The following PPEF2 variants were observed in gnomAD, a reference collection of about 807,000 sequenced individuals.
The protein encoded by PPEF2 is protein phosphatase with EF-hand domain 2.
In PPEF2, 84 loss-of-function variants were observed where a neutral mutation model predicts 84.7. The ratio of observed to expected loss-of-function variants is 0.99; its 90% CI spans 0.83 to 1.19. The LOEUF (loss-of-function observed/expected upper bound fraction) is 1.19, where lower values mean the gene tolerates loss of function less well. PPEF2 is among the 50% of genes most tolerant of loss of function. The probability of loss-of-function intolerance (pLI) is 0.00; values close to 1 mark genes in which losing one functional copy is unlikely to be tolerated. For synonymous variants in PPEF2, 346 were observed against 345.2 expected, an observed-to-expected ratio of 1.00 and a Z score of -0.03; for missense variants, 924 against 937.5, an observed-to-expected ratio of 0.99 and a Z score of 0.19.
chr4:75,872,773 G>C (rs1307224007), intron 12 of PPEF2, among the ~76,000 whole-genome samples: 3 of 152,176 alleles, frequency 2.0e-5, no homozygotes, highest in Non-Finnish European at 4.4e-5. Context: ...AGATTAGTCA[G>C]GATGTTAATT....
chr4:75,889,833 T>G (rs1724831522), intron 5 of PPEF2, 124 bp downstream of exon 5: 1 of 1,084,006 alleles, frequency 9.2e-7, no homozygotes, highest in Non-Finnish European at 1.4e-6. Flanking sequence ...AGGGGTAGAA[T>G]CTCTCTAGTG....
At position 75,865,813 on chromosome 4, in the gene PPEF2, A is replaced by G. The variant is rs563024242; in HGVS notation, c.1920+376T>C. On this transcript the variant is annotated intron_variant, in intron 15 of 16. Transcript: ENST00000286719. ...TTTTATAAGCAGTTATTGAATAAAT[A>G]CTTTTTAAGTAGGGTAAGCACCATG... Among the ~76,000 whole-genome samples the G allele has an allele frequency of 2.0e-5, 3 of 152,374 alleles. No homozygotes were observed. In the East Asian group the frequency reaches 5.8e-4, roughly 29 times the overall value.
At chr4:75,880,382 C>G (rs1394639465) in intron 10 of PPEF2, among the ~76,000 whole-genome samples, 1 of 152,186 alleles carries the variant, frequency 6.6e-6, no homozygotes, top group African/African-American at 2.4e-5. Flanking sequence ...GGAGCCCATA[C>G]CTCTCTGTAC....
intron 5 of PPEF2, 141 bp from the exon 6 acceptor site, chr4:75,888,469 C>T (rs1425624508): frequency 5.1e-6 from 3 of 588,952 alleles, no homozygotes; most frequent in East Asian, 5.8e-5. Flanking sequence ...GGACTATGCA[C>T]GGATTCTTTC....
intron 10 of PPEF2, 125 bp from the exon 11 acceptor site, chr4:75,876,798 G>C (rs1284293226): frequency 8.9e-6 from 9 of 1,015,676 alleles, no homozygotes; most frequent in Non-Finnish European, 1.1e-5. Context: ...TCAAGCCCGG[G>C]AGTTCAAGAC....
At chr4:75,866,049 G>T in intron 15 of PPEF2, 140 bp downstream of exon 15, 1 of 1,003,656 alleles carries the variant, frequency 1.0e-6, no homozygotes. Flanking sequence ...CTGACACATA[G>T]AAACTCAAGA....
chr4:75,874,074 C>A (rs909524850), intron 11 of PPEF2, among the ~76,000 whole-genome samples: 1 of 151,480 alleles, frequency 6.6e-6, no homozygotes, highest in Non-Finnish European at 1.5e-5. Context: ...TGCCACTGCA[C>A]TCCAGCCTGG....
chr4:75,894,676 T>C (rs1176164735), intron 2 of PPEF2, among the ~76,000 whole-genome samples: 1 of 152,078 alleles, frequency 6.6e-6, no homozygotes, highest in African/African-American at 2.4e-5. Context: ...CTGGGTTCTG[T>C]GCATGGCAGG....
At chr4:75,884,424 CAA>C (rs34238193) in intron 8 of PPEF2, among the ~76,000 whole-genome samples, 168 bp downstream of exon 8, 1 of 144,288 alleles carries the variant, frequency 6.9e-6, no homozygotes, top group Non-Finnish European at 1.5e-5. Context: ...AGACTCTCTC[CAA>C]AAAAAAAAAA....
intron 8 of PPEF2, chr4:75,883,498 G>A: frequency 2.7e-6 from 1 of 365,784 alleles, no homozygotes; most frequent in Non-Finnish European, 4.9e-6. Context: ...TGGTTTCATT[G>A]GAATAGTAAA....
intron 13 of PPEF2, among the ~76,000 whole-genome samples, chr4:75,868,314 T>TAAAAA (rs1724183682): frequency 8.0e-3 from 25 of 3,136 alleles, no homozygotes; most frequent in African/African-American, 0.011. Flanking sequence ...AGACCCTGTC[T>TAAAAA]CAAAAAAAAA....
chr4:75,892,029 G>A (rs747788431), intron 2 of PPEF2, 51 bp from the exon 3 acceptor site: 3 of 1,597,118 alleles, frequency 1.9e-6, no homozygotes, highest in South Asian at 2.2e-5. Context: ...CCCTGGGCCA[G>A]GGGTTTGGGG....
chr4:75,891,506 G>A, intron 4 of PPEF2, 142 bp downstream of exon 4: 1 of 862,348 alleles, frequency 1.2e-6, no homozygotes, highest in African/African-American at 1.7e-5. Flanking sequence ...TAAAACCCCA[G>A]TCTGCCATTT....
At chr4:75,898,484 C>T (rs888460104) in intron 1 of PPEF2, among the ~76,000 whole-genome samples, 15 of 152,340 alleles carry the variant, frequency 9.8e-5, no homozygotes, top group African/African-American at 3.6e-4. Context: ...TATCACCTTC[C>T]TTAAAGAAGC....
rs1041627801 is a variant in PPEF2, at chr4:75,871,268, G to A, written c.1649+757C>T. On this transcript the variant is annotated intron_variant, in intron 13 of 16. Coordinates refer to ENST00000286719, the MANE Select transcript of PPEF2 (RefSeq NM_006239.3). ...TATATGCTTCCTTCCAGAAAGAAACGGGCCTCATTAACAAATCTGTGCACT... is the reference window on the plus strand; with the variant it reads ...TATATGCTTCCTTCCAGAAAGAAACAGGCCTCATTAACAAATCTGTGCACT... Among the ~76,000 whole-genome samples, 20 of 152,116 alleles carry A rather than the reference G, an allele frequency of 1.3e-4. No individual in the cohort carries two copies. In the East Asian group the frequency reaches 2.1e-3, roughly 16 times the overall value.
At position 75,867,326 on chromosome 4, in the gene PPEF2, A is replaced by C. The variant is rs747510426; in HGVS notation, c.1743T>G (p.Asp581Glu). 1 of 1,613,252 alleles carries C rather than the reference A, an allele frequency of 6.2e-7. No individual in the cohort carries two copies. Among genetic ancestry groups the C allele is most frequent in the Admixed American group, 1.7e-5 (1 of 59,990 alleles). The part of the protein sequence containing the change: ...SDLLSEFKKH[D>E]ADKVGLITLS... ...GATCATTCTTACCGACTTTATCTGCATCATGCTTCTTAAATTCACTGAGAA... is the reference window on the plus strand; with the variant it reads ...GATCATTCTTACCGACTTTATCTGCCTCATGCTTCTTAAATTCACTGAGAA... The change falls in exon 14 of 17, where the codon GAT (aspartate) becomes GAG (glutamate). Residue 581 changes from aspartate (D) to glutamate (E), a missense_variant. Coordinates refer to ENST00000286719, the MANE Select transcript of PPEF2 (RefSeq NM_006239.3).
intron 10 of PPEF2, among the ~76,000 whole-genome samples, chr4:75,877,739 C>T (rs1191820212): frequency 1.3e-5 from 2 of 151,784 alleles, no homozygotes; most frequent in African/African-American, 4.8e-5. Flanking sequence ...TAGGTACACA[C>T]ATGTCACAGG....
intron 1 of PPEF2, among the ~76,000 whole-genome samples, chr4:75,896,974 T>A (rs1375987702): frequency 6.6e-6 from 1 of 152,104 alleles, no homozygotes; most frequent in African/African-American, 2.4e-5. Context: ...GAGCTCCGCC[T>A]CCTGGGTTCA....
rs372535503 is a variant in PPEF2 at position 75,889,818 on chromosome 4, A to G, written c.417+139T>C. ...ATTGACTGCAAGGTCCTGGCTAAGC[A>G]CAGCAGGGGTAGAATCTCTCTAGTG... is the stretch of plus-strand genomic sequence containing the variant. On this transcript the variant is annotated intron_variant, in intron 5 of 16. Coordinates refer to ENST00000286719, the MANE Select transcript of PPEF2 (RefSeq NM_006239.3). 2.8e-5 allele frequency: 26 copies of G among 932,966 alleles called. No homozygotes were observed. In the African/African-American group the frequency reaches 3.5e-4, roughly 12 times the overall value. The allele number at this position is 932,966 out of a possible 1,614,324, so 57.8% of individuals were successfully genotyped here.
Sources: allele counts gnomAD v4.1 joint callset (sites outside exome capture counted in the v4.1 genomes callset), GRCh38; gene constraint gnomAD v4.1.1; transcripts MANE v1.5; gene names NCBI Gene and HGNC (gene_info 2026-07-23, HGNC 2026-07-21).